The following ZNF99 variants were observed in gnomAD, a reference collection of about 807,000 sequenced individuals.
The protein encoded by ZNF99 is zinc finger protein 99, also known as zinc finger protein ENSP00000375192.
ZNF99 carries 8 observed loss-of-function variants against 12.8 expected under a neutral mutation model. That is an observed-to-expected ratio of 0.62 (90% CI 0.37 to 1.13). ZNF99 has a LOEUF of 1.13. ZNF99 is among the 50% of genes most tolerant of loss of function. The probability of loss-of-function intolerance (pLI) is 0.02; values close to 1 mark genes in which losing one functional copy is unlikely to be tolerated. For missense variants in ZNF99, 1,007 were observed against 1,006.2 expected, an observed-to-expected ratio of 1.00 and a Z score of -0.01; for synonymous variants, 318 against 319.0, an observed-to-expected ratio of 1.00 and a Z score of 0.03.
At chr19:22,780,682 ACT>A (rs1482916419) in intron 1 of ZNF99, among the ~76,000 whole-genome samples, 2 of 141,132 alleles carry the variant, frequency 1.4e-5, no homozygotes, top group Admixed American at 7.2e-5. Context: ...CAAGAATGAA[ACT>A]CTGTTTCAAA....
rs1415129406 is a variant in ZNF99 at position 22,758,932 on chromosome 19, G to A, written c.977C>T (p.Ser326Leu). 3 of 1,613,858 alleles carry A rather than the reference G, an allele frequency of 1.9e-6. No homozygotes were observed. The highest frequency in any genetic ancestry group is 2.5e-6 in the Non-Finnish European group (3 of 1,179,912). The change falls in exon 4 of 4, where the codon TCA (serine) becomes TTA (leucine). Residue 326 changes from serine to leucine, a missense_variant. Coordinates refer to ENST00000596209, the MANE Select transcript of ZNF99 (RefSeq NM_001080409.3). The part of the protein sequence containing the change: ...EECGKAFNHF[S>L]ALRKHQIIHT... ...AATTATCTGATGTTTTCTAAGGGCT[G>A]AGAAATGGTTAAAAGCTTTGCCACA...
intron 1 of ZNF99, among the ~76,000 whole-genome samples, chr19:22,776,437 A>G (rs1269714213): frequency 7.7e-5 from 3 of 38,860 alleles, no homozygotes; most frequent in South Asian, 6.9e-4. Context: ...ATATATATAT[A>G]TATATATATA....
chr19:22,757,840 G>A lies in ZNF99; in HGVS notation c.2069C>T (p.Ser690Leu), dbSNP rs566311681. The change falls in exon 4 of 4, where the codon TCA (serine) becomes TTA (leucine). Residue 690 changes from serine to leucine, a missense_variant. Physicochemically the swap from Ser to Leu is moderately radical, Grantham distance 145. Coordinates refer to ENST00000596209, the MANE Select transcript of ZNF99 (RefSeq NM_001080409.3). ...AATTATCTTATGTTTCCTAAGGGCT[G>A]AGAAATGGTTAAAAGCCTTGCCACA... ...EECGKAFNHFSALRKHKIIHT... is the reference protein window; with the variant it reads ...EECGKAFNHFLALRKHKIIHT... The A allele has an allele frequency of 4.6e-5, 74 of 1,611,886 alleles. 2 individuals carry two copies. In the East Asian group the frequency reaches 7.6e-4, roughly 17 times the overall value.
chr19:22,777,845 G>A (rs1973346344), intron 1 of ZNF99, among the ~76,000 whole-genome samples: 1 of 152,012 alleles, frequency 6.6e-6, no homozygotes. Flanking sequence ...TCTAAGAGGG[G>A]TGTGGATAAG....
rs1427000934 is a variant in ZNF99 at position 22,757,521 on chromosome 19, T to G, written c.2388A>C (p.Lys796Asn). 1 of 1,611,154 alleles carries G rather than the reference T, an allele frequency of 6.2e-7. No homozygotes were observed. Among genetic ancestry groups the G allele is most frequent in the Non-Finnish European group, 8.5e-7 (1 of 1,179,564 alleles). The change falls in exon 4 of 4, where the codon AAA becomes AAC. Residue 796 changes from lysine to asparagine, a missense_variant. Physicochemically the swap from Lys to Asn is moderately conservative, Grantham distance 94 (BLOSUM62 0). Coordinates refer to ENST00000596209, the MANE Select transcript of ZNF99 (RefSeq NM_001080409.3). ...KKPYKCEECG[K>N]AFNNSSTLRK... ...TAAGGGTTGAGGAATTGTTAAAAGC[T>G]TTGCCACATTCTTCACATTTATAGG...
At chr19:22,772,214 T>G (rs1002788714) in intron 1 of ZNF99, among the ~76,000 whole-genome samples, 3 of 152,012 alleles carry the variant, frequency 2.0e-5, no homozygotes, top group African/African-American at 7.2e-5. Flanking sequence ...AGAGAGTGAG[T>G]TGATACAAAG....
At position 22,755,004 on chromosome 19, in the gene ZNF99, G is replaced by A. The variant is rs944380444; in HGVS notation, c.*2310C>T. The A allele has an allele frequency of 5.9e-6, 1 of 168,930 alleles. No individual in the cohort carries two copies. Among genetic ancestry groups the A allele is most frequent in the Admixed American group, 6.0e-5 (1 of 16,646 alleles). The allele number at this position is 168,930 out of a possible 1,614,324, so 10.5% of individuals were successfully genotyped here. On this transcript the variant is annotated 3_prime_UTR_variant, in exon 4 of 4. Transcript: ENST00000596209. ...GAATCGCTTGAAAACCCAGGAGGCG[G>A]AGGTTGCAGTGAGCCGAGATTGTGC...
intron 1 of ZNF99, among the ~76,000 whole-genome samples, chr19:22,772,449 C>T (rs537185686): frequency 2.4e-4 from 36 of 152,220 alleles, no homozygotes; most frequent in Non-Finnish European, 4.6e-4. Flanking sequence ...CTTTGGGAGG[C>T]GGGCAGATCA....
In ZNF99 at chr19:22,753,920, T is replaced by G. The variant is rs1236766936; in HGVS notation, c.*3394A>C. Reference sequence around the variant, plus strand: ...AAGTGTGACAACCATTTAAAGGCTTTGTGACATGACTCACATCTAGGGCTT... The same window carrying G: ...AAGTGTGACAACCATTTAAAGGCTTGGTGACATGACTCACATCTAGGGCTT... On this transcript the variant is annotated 3_prime_UTR_variant, in exon 4 of 4. Transcript: ENST00000596209. 1.0e-5 allele frequency: 4 copies of G among 387,908 alleles called. No individual in the cohort carries two copies. Among genetic ancestry groups the G allele is most frequent in the African/African-American group, 4.2e-5 (2 of 47,878 alleles). 24.0% of individuals were successfully genotyped at this position (387,908 alleles called of 1,614,324 possible).
chr19:22,767,853 C>T (rs936350938), intron 3 of ZNF99, among the ~76,000 whole-genome samples: 2 of 152,022 alleles, frequency 1.3e-5, no homozygotes, highest in African/African-American at 4.8e-5. Flanking sequence ...AAGTATATGC[C>T]GGTATCTGTT....
At chr19:22,769,769 A>AT in intron 1 of ZNF99, 2 of 1,060,856 alleles carry the variant, frequency 1.9e-6, no homozygotes, top group Non-Finnish European at 2.4e-6. Flanking sequence ...TCAAAAAAAA[A>AT]AAAATAAAGA....
intron 2 of ZNF99, 112 bp downstream of exon 2, chr19:22,769,086 G>A (rs2145151384): frequency 8.5e-7 from 1 of 1,172,740 alleles, no homozygotes; most frequent in East Asian, 3.0e-5. Flanking sequence ...TCAGAAAACG[G>A]GTATCTGAAA....
intron 1 of ZNF99, chr19:22,770,809 T>C (rs1568386467): frequency 2.0e-5 from 3 of 152,232 alleles, no homozygotes; most frequent in East Asian, 1.9e-4. Flanking sequence ...AATTTAACCA[T>C]AAAGAAACAT....
At chr19:22,776,808 A>G (rs1016827243) in intron 1 of ZNF99, among the ~76,000 whole-genome samples, 6 of 152,200 alleles carry the variant, frequency 3.9e-5, no homozygotes, top group Admixed American at 3.3e-4. Context: ...TAGCAAAGAC[A>G]TGGAATCAAC....
chr19:22,758,033 A>T lies in ZNF99; in HGVS notation c.1876T>A (p.Cys626Ser). The T allele has an allele frequency of 2.5e-6, 4 of 1,610,154 alleles. No individual in the cohort carries two copies. The highest frequency in any genetic ancestry group is 3.4e-6 in the Non-Finnish European group (4 of 1,177,386). ...TGKKPYKCEE[C>S]GKAFSQSSTL... ...GAGGACTGGCTAAAAGCTTTGCCAC[A>T]TTCTTCACATTTGTAGGGTTTCTTT... Residue 626 changes from cysteine to serine, a missense_variant, in exon 4 of 4, where the codon TGT (cysteine) becomes AGT (serine). Cys to Ser is a moderately radical substitution (Grantham distance 112). Transcript: ENST00000596209.
chr19:22,772,146 ATAT>A (rs1973280461), intron 1 of ZNF99, among the ~76,000 whole-genome samples: 1 of 152,126 alleles, frequency 6.6e-6, no homozygotes, highest in South Asian at 2.1e-4. Context: ...TGCCTGAAAT[ATAT>A]ACTTGATTAG....
intron 3 of ZNF99, among the ~76,000 whole-genome samples, chr19:22,761,836 A>C (rs114476266): frequency 0.086 from 13,027 of 152,174 alleles, 575 homozygotes; most frequent in Middle Eastern, 0.11. Context: ...ACAAAAGGAA[A>C]CTTCAAAACC....
chr19:22,758,819 T>C lies in ZNF99; in HGVS notation c.1090A>G (p.Thr364Ala), dbSNP rs1973112469. Residue 364 changes from threonine (T) to alanine (A), a missense_variant, in exon 4 of 4, where the codon ACT becomes GCT. Coordinates refer to ENST00000596209, the MANE Select transcript of ZNF99 (RefSeq NM_001080409.3). ...TCATATTTGTAGGGTTTCTCTTCAGTATGAATTATCTCATGTTTTCTAAGG... is the reference window on the plus strand; with the variant it reads ...TCATATTTGTAGGGTTTCTCTTCAGCATGAATTATCTCATGTTTTCTAAGG... ...STLRKHEIIH[T>A]EEKPYKYEEC... 6.2e-7 allele frequency: 1 copy of C among 1,606,250 alleles called. No homozygotes were observed. The highest frequency in any genetic ancestry group is 1.3e-5 in the African/African-American group (1 of 74,450).
intron 1 of ZNF99, among the ~76,000 whole-genome samples, chr19:22,771,908 G>C: frequency 6.8e-6 from 1 of 148,110 alleles, no homozygotes; most frequent in Non-Finnish European, 1.5e-5. Context: ...AGTAGAGACA[G>C]GGTTTCACCA....
Sources: allele counts gnomAD v4.1 joint callset (sites outside exome capture counted in the v4.1 genomes callset), GRCh38; gene constraint gnomAD v4.1.1; transcripts MANE v1.5; gene names NCBI Gene and HGNC (gene_info 2026-07-23, HGNC 2026-07-21).